The following TSPEAR variants were observed in gnomAD, a reference collection of about 807,000 sequenced individuals.
The protein encoded by TSPEAR is thrombospondin type laminin G domain and EAR repeats, also known as thrombospondin-type laminin G domain and EAR repeat-containing protein.
A neutral mutation model predicts 71.6 loss-of-function variants in TSPEAR; 69 were observed. The ratio of observed to expected loss-of-function variants is 0.96; its 90% CI spans 0.79 to 1.18. The LOEUF is 1.18. Ranked by LOEUF, TSPEAR falls within the 50% of genes most tolerant of loss-of-function variation. The pLI, the probability that TSPEAR is intolerant of heterozygous loss-of-function variation, is 0.00. For synonymous variants in TSPEAR, 402 were observed against 387.2 expected (o/e 1.04, Z -0.45); for missense variants, 971 against 894.9 (o/e 1.09, Z -1.09).
intron 1 of TSPEAR, among the ~76,000 whole-genome samples, chr21:44,590,587 G>A (rs1555926367): frequency 6.6e-6 from 1 of 152,166 alleles, no homozygotes; most frequent in Admixed American, 6.5e-5. Flanking sequence ...GGGGGAGGGC[G>A]TGGTCCCCAT....
chr21:44,637,644 A>G (rs1354245852), intron 1 of TSPEAR: 1 of 1,579,060 alleles, frequency 6.3e-7, no homozygotes, highest in African/African-American at 1.4e-5. Context: ...CCATGCTACC[A>G]GCAGTCTAGC....
chr21:44,674,875 T>TA (rs782121928), intron 1 of TSPEAR, among the ~76,000 whole-genome samples: 66 of 135,082 alleles, frequency 4.9e-4, no homozygotes, highest in East Asian at 3.6e-3. Flanking sequence ...AAGATTGAAT[T>TA]AAAAAAAAAA....
At chr21:44,549,125 C>A (rs587664003) in intron 2 of TSPEAR, among the ~76,000 whole-genome samples, 33 of 152,316 alleles carry the variant, frequency 2.2e-4, no homozygotes, top group East Asian at 1.9e-4. Flanking sequence ...GGTCGGACCA[C>A]ACAATCTAAG....
chr21:44,552,430 T>C (rs2053457475), intron 2 of TSPEAR, among the ~76,000 whole-genome samples: 1 of 152,112 alleles, frequency 6.6e-6, no homozygotes, highest in Admixed American at 6.5e-5. Context: ...CCAGCCTCTT[T>C]CAGCTGGGGA....
At chr21:44,682,221 G>C in intron 1 of TSPEAR, 1 of 1,328,232 alleles carries the variant, frequency 7.5e-7, no homozygotes, top group Non-Finnish European at 1.0e-6. Flanking sequence ...CATCCCCACA[G>C]CACAGAAGCA....
chr21:44,535,757 G>A (rs981883906), intron 2 of TSPEAR, among the ~76,000 whole-genome samples: 6 of 152,098 alleles, frequency 3.9e-5, no homozygotes, highest in Admixed American at 2.6e-4. Context: ...GTAGAGATGG[G>A]GTTTCACCAT....
In TSPEAR at chr21:44,540,552, T is replaced by C. The variant is rs192628173; in HGVS notation, c.304-6629A>G. On this transcript the variant is annotated intron_variant, in intron 2 of 11. Transcript: ENST00000323084. ...TTATGCAAAGTGTGGCATGCCAGGGTGAGAGCTGTCCCACTCACGATCGTG... is the reference window on the plus strand; with the variant it reads ...TTATGCAAAGTGTGGCATGCCAGGGCGAGAGCTGTCCCACTCACGATCGTG... Among the ~76,000 whole-genome samples, 307 of 152,216 alleles carry C rather than the reference T, an allele frequency of 2.0e-3. 5 individuals carry two copies. Among genetic ancestry groups the C allele is most frequent in the Middle Eastern group, 0.014 (4 of 294 alleles).
chr21:44,500,325 T>G (rs1555910979), intron 11 of TSPEAR, among the ~76,000 whole-genome samples: 1 of 152,166 alleles, frequency 6.6e-6, no homozygotes, highest in African/African-American at 2.4e-5. Context: ...CCCTCCGTCC[T>G]CAGATACAGG....
chr21:44,595,799 A>G (rs1438066952), intron 1 of TSPEAR, among the ~76,000 whole-genome samples: 2 of 152,212 alleles, frequency 1.3e-5, no homozygotes, highest in Non-Finnish European at 2.9e-5. Context: ...CTCTGTACAC[A>G]TAAATTTTTA....
intron 9 of TSPEAR, among the ~76,000 whole-genome samples, chr21:44,512,117 G>A (rs1240019836): frequency 6.6e-6 from 1 of 152,246 alleles, no homozygotes; most frequent in South Asian, 2.1e-4. Flanking sequence ...ACACAGGACT[G>A]AGGGAGCCAG....
chr21:44,530,709 C>T (rs982737213), intron 4 of TSPEAR, among the ~76,000 whole-genome samples: 58 of 152,356 alleles, frequency 3.8e-4, no homozygotes, highest in East Asian at 1.2e-3. Context: ...ACACAGGCAC[C>T]GAGCAGACAC....
In TSPEAR at chr21:44,582,182, C is replaced by T. The variant is rs1979023009; in HGVS notation, c.83-14177G>A. ...GCTACAGACATGCACGGCGCAGGTG[C>T]GGTCTCCACATCAGCCACCGCGTGA... On this transcript the variant is annotated intron_variant, in intron 1 of 11. Transcript: ENST00000323084. 2.0e-5 allele frequency among the ~76,000 whole-genome samples: 3 copies of T among 152,198 alleles called. No individual in the cohort carries two copies. In the South Asian group the frequency reaches 6.2e-4, roughly 31 times the overall value.
intron 1 of TSPEAR, chr21:44,646,796 T>G: frequency 1.2e-6 from 2 of 1,612,140 alleles, no homozygotes; most frequent in South Asian, 1.1e-5. Flanking sequence ...TGCAAGCCTG[T>G]GTGCTGTGTG....
At chr21:44,657,202 TC>T (rs1462082390) in intron 1 of TSPEAR, among the ~76,000 whole-genome samples, 1 of 152,246 alleles carries the variant, frequency 6.6e-6, no homozygotes, top group African/African-American at 2.4e-5. Flanking sequence ...TGGAATTATT[TC>T]ATGCATTCAT....
chr21:44,702,141 G>A, intron 1 of TSPEAR: 1 of 1,254,730 alleles, frequency 8.0e-7, no homozygotes, highest in South Asian at 1.4e-5. Context: ...TGAGCACAGG[G>A]GTGGAGACTG....
At chr21:44,694,053 A>T (rs561838381) in intron 1 of TSPEAR, among the ~76,000 whole-genome samples, 2 of 152,230 alleles carry the variant, frequency 1.3e-5, no homozygotes. Context: ...AAAAGCAATC[A>T]AATCTAAGAG....
chr21:44,638,280 G>A (rs1983796811), intron 1 of TSPEAR: 5 of 1,446,388 alleles, frequency 3.5e-6, no homozygotes, highest in African/African-American at 1.5e-5. Flanking sequence ...GGTGGGGCAG[G>A]CTCTTTGTCT....
chr21:44,560,677 C>G (rs587708433), intron 2 of TSPEAR, among the ~76,000 whole-genome samples: 1 of 152,326 alleles, frequency 6.6e-6, no homozygotes, highest in Non-Finnish European at 1.5e-5. Context: ...GATTAAGAAA[C>G]TCACTCAAAA....
rs1158138423 is a variant in TSPEAR at position 44,569,364 on chromosome 21, C to A, written c.83-1359G>T. On this transcript the variant is annotated intron_variant, in intron 1 of 11. Transcript: ENST00000323084. ...AGGGTGTAACGGGCACTTACAAAAACCGGATGTGACGCAGACGTGCAGTGC... is the reference window on the plus strand; with the variant it reads ...AGGGTGTAACGGGCACTTACAAAAAACGGATGTGACGCAGACGTGCAGTGC... Among the ~76,000 whole-genome samples the A allele has an allele frequency of 2.0e-5, 3 of 152,318 alleles. No individual in the cohort carries two copies. The East Asian group carries it at 5.8e-4, about 29-fold the overall frequency.
Sources: allele counts gnomAD v4.1 joint callset (sites outside exome capture counted in the v4.1 genomes callset), GRCh38; gene constraint gnomAD v4.1.1; transcripts MANE v1.5; gene names NCBI Gene and HGNC (gene_info 2026-07-23, HGNC 2026-07-21).